OR4K17: variants seen among roughly 807,000 people sequenced by gnomAD.
OR4K17 encodes the protein olfactory receptor family 4 subfamily K member 17, also known as olfactory receptor 4K17.
For missense variants in OR4K17, 480 were observed against 366.3 expected (o/e 1.31, Z -2.53); for synonymous variants, 157 against 132.8 (o/e 1.18, Z -1.25).
At position 20,119,016 on chromosome 14, in the gene OR4K17, A is replaced by G. The variant is rs1419767136; in HGVS notation, c.*578A>G. On this transcript the variant is annotated 3_prime_UTR_variant, in exon 2 of 2. Coordinates refer to ENST00000641386, the MANE Select transcript of OR4K17 (RefSeq NM_001004715.5). ...CATCCCTTATCTACAGCCGTGTAAG[A>G]CAGACATTGCCAGAGCGGCCATTTT... 6.6e-6 allele frequency: 1 copy of G among 152,266 alleles called. No homozygotes were observed. Among genetic ancestry groups the G allele is most frequent in the African/African-American group, 2.4e-5 (1 of 41,460 alleles). The allele number at this position is 152,266 out of a possible 1,614,324, so 9.4% of individuals were successfully genotyped here.
rs1313899260 is a variant in OR4K17, at chr14:20,120,642, C to G, written c.*2204C>G. 4 of 152,284 alleles carry G rather than the reference C, an allele frequency of 2.6e-5. No homozygotes were observed. The highest frequency in any genetic ancestry group is 5.9e-5 in the Non-Finnish European group (4 of 68,120). 9.4% of individuals were successfully genotyped at this position (152,284 alleles called of 1,614,324 possible). On this transcript the variant is annotated 3_prime_UTR_variant, in exon 2 of 2. Coordinates refer to ENST00000641386, the MANE Select transcript of OR4K17 (RefSeq NM_001004715.5). ...TCAAAAGCACCTGCACCTTGCATAC[C>G]ATTATAGTTTGGGCAGTGGAATTCC... is the stretch of plus-strand genomic sequence containing the variant.
Position 20,120,026 on chromosome 14 carries a change from C to T in OR4K17, c.*1588C>T, listed in dbSNP as rs2139059519. The T allele has an allele frequency of 6.6e-6, 1 of 152,230 alleles. No individual in the cohort carries two copies. Among genetic ancestry groups the T allele is most frequent in the Non-Finnish European group, 1.5e-5 (1 of 68,014 alleles). The allele number at this position is 152,230 out of a possible 1,614,324, so 9.4% of individuals were successfully genotyped here. On this transcript the variant is annotated 3_prime_UTR_variant, in exon 2 of 2. Coordinates refer to ENST00000641386, the MANE Select transcript of OR4K17 (RefSeq NM_001004715.5). ...AAATTATTGATTTTTAAAATGTTGA[C>T]TGAGTTATAAAAGGTGTCAGAGACT... is the stretch of plus-strand genomic sequence containing the variant.
intron 1 of OR4K17, among the ~76,000 whole-genome samples, chr14:20,113,889 T>C (rs1411928701): frequency 1.3e-5 from 2 of 152,110 alleles, no homozygotes; most frequent in South Asian, 2.1e-4. Flanking sequence ...TAGAGAATTT[T>C]CTCTATTTTC....
chr14:20,112,476 C>T (rs1351912167), intron 1 of OR4K17, among the ~76,000 whole-genome samples: 1 of 152,060 alleles, frequency 6.6e-6, no homozygotes, highest in East Asian at 1.9e-4. Context: ...GTGTTCCATC[C>T]CTGTTACTAA....
At chr14:20,111,822 C>G (rs1206866661) in intron 1 of OR4K17, 1 of 152,026 alleles carries the variant, frequency 6.6e-6, no homozygotes, top group Non-Finnish European at 1.5e-5. Flanking sequence ...TAGAAGATTA[C>G]TAGGATTCAG....
chr14:20,120,204 T>G lies in OR4K17; in HGVS notation c.*1766T>G, dbSNP rs556106130. On this transcript the variant is annotated 3_prime_UTR_variant, in exon 2 of 2. Coordinates refer to ENST00000641386, the MANE Select transcript of OR4K17 (RefSeq NM_001004715.5). ...TGATTTGGCACTCACTGTGAGATCA[T>G]GTTTGGTTCTCTGTCTTCTTTACAA... is the stretch of plus-strand genomic sequence containing the variant. 4.0e-4 allele frequency: 61 copies of G among 152,320 alleles called. 1 individual carries two copies. The highest frequency in any genetic ancestry group is 1.4e-3 in the African/African-American group (58 of 41,574). 9.4% of individuals were successfully genotyped at this position (152,320 alleles called of 1,614,324 possible).
chr14:20,111,901 T>C (rs749787565), intron 1 of OR4K17: 3 of 152,048 alleles, frequency 2.0e-5, no homozygotes, highest in Non-Finnish European at 4.4e-5. Flanking sequence ...TTGTGTGTGA[T>C]TTGCTCAGCA....
chr14:20,121,641 A>C lies in OR4K17; in HGVS notation c.*3203A>C, dbSNP rs1477456417. ...ATAGAGCATTTACAAAAACAAAAAA[A>C]ATAAAAAATCAAAGCATATGCTGGA... is the stretch of plus-strand genomic sequence containing the variant. On this transcript the variant is annotated 3_prime_UTR_variant, in exon 2 of 2. Transcript: ENST00000641386. 1.3e-5 allele frequency: 2 copies of C among 152,072 alleles called. No homozygotes were observed. The highest frequency in any genetic ancestry group is 4.8e-5 in the African/African-American group (2 of 41,446). 9.4% of individuals were successfully genotyped at this position (152,072 alleles called of 1,614,324 possible).
chr14:20,116,244 G>A (rs1238459007), intron 1 of OR4K17, among the ~76,000 whole-genome samples: 4 of 152,086 alleles, frequency 2.6e-5, no homozygotes, highest in Admixed American at 6.6e-5. Context: ...CAGAAGCACA[G>A]AATACATGAC....
At chr14:20,114,666 T>C (rs1877949323) in intron 1 of OR4K17, among the ~76,000 whole-genome samples, 1 of 152,050 alleles carries the variant, frequency 6.6e-6, no homozygotes, top group Non-Finnish European at 1.5e-5. Flanking sequence ...CCTCAATTTC[T>C]TGATTTCACA....
In OR4K17 at chr14:20,118,496, T is replaced by A; in HGVS notation, c.*58T>A. ...TGGCTGATGCCTGTAATCCCCACAC[T>A]TTGGGAGGAATATCAGGGGAACCAG... On this transcript the variant is annotated 3_prime_UTR_variant, in exon 2 of 2. Transcript: ENST00000641386. 1 of 960,926 alleles carries A rather than the reference T, an allele frequency of 1.0e-6. No homozygotes were observed. Among genetic ancestry groups the A allele is most frequent in the Non-Finnish European group, 1.6e-6 (1 of 643,942 alleles). The allele number at this position is 960,926 out of a possible 1,614,324, so 59.5% of individuals were successfully genotyped here.
Position 20,118,327 on chromosome 14 carries a change from C to A in OR4K17, c.828C>A (p.Thr276=). The change falls in exon 2 of 2, where the codon ACC becomes ACA. Residue 276 remains threonine, a synonymous_variant. Transcript: ENST00000641386. ...SVDKFLAVFY[T]IITPILNPII... is the part of the protein sequence containing the mutation. ...ATAAGTTCCTTGCTGTGTTTTATAC[C>A]ATCATCACTCCTATCTTGAATCCAA... 6.2e-7 allele frequency: 1 copy of A among 1,612,152 alleles called. No homozygotes were observed. Among genetic ancestry groups the A allele is most frequent in the Non-Finnish European group, 8.5e-7 (1 of 1,178,316 alleles).
At chr14:20,113,187 C>G (rs1161183119) in intron 1 of OR4K17, among the ~76,000 whole-genome samples, 1 of 152,002 alleles carries the variant, frequency 6.6e-6, no homozygotes, top group Non-Finnish European at 1.5e-5. Context: ...GGGCAGCAGA[C>G]AGTTCTACTC....
chr14:20,117,234 G>C (rs10220676), intron 1 of OR4K17, among the ~76,000 whole-genome samples: 2,420 of 152,204 alleles, frequency 0.016, 59 homozygotes, highest in African/African-American at 0.049. Flanking sequence ...ATATGCTCCA[G>C]AGCTTGTGGT....
At chr14:20,112,440 A>G (rs1350022097) in intron 1 of OR4K17, among the ~76,000 whole-genome samples, 1 of 152,090 alleles carries the variant, frequency 6.6e-6, no homozygotes, top group Non-Finnish European at 1.5e-5. Context: ...GACACATTCA[A>G]AAGGCAGGTA....
Position 20,118,007 on chromosome 14 carries a change from G to A in OR4K17, c.508G>A (p.Gly170Ser). The A allele has an allele frequency of 6.2e-7, 1 of 1,614,112 alleles. No individual in the cohort carries two copies. Among genetic ancestry groups the A allele is most frequent in the Non-Finnish European group, 8.5e-7 (1 of 1,180,016 alleles). ...ATTTGCTGTGAACTTGCCCTTTTGT[G>A]GTCCCAATGTGGTAGACAGCATTTT... ...IPFAVNLPFC[G>S]PNVVDSIFCD... Residue 170 changes from glycine (G) to serine (S), a missense_variant, in exon 2 of 2, where the codon GGT becomes AGT. Transcript: ENST00000641386.
intron 1 of OR4K17, among the ~76,000 whole-genome samples, chr14:20,116,725 C>A (rs535428984): frequency 6.6e-6 from 1 of 152,202 alleles, no homozygotes; most frequent in Admixed American, 6.5e-5. Context: ...GCCACATAGC[C>A]CCAGAGTATT....
In OR4K17 at chr14:20,114,551, C is replaced by T. The variant is rs17308171; in HGVS notation, c.-32-2917C>T. ...AATATAAAACGTATTTAAATCTTCGCCATTCCAGGAAGATCAGTCTTAATT... is the reference window on the plus strand; with the variant it reads ...AATATAAAACGTATTTAAATCTTCGTCATTCCAGGAAGATCAGTCTTAATT... On this transcript the variant is annotated intron_variant, in intron 1 of 1. Transcript: ENST00000641386. Among the ~76,000 whole-genome samples, 1,110 of 152,080 alleles carry T rather than the reference C, an allele frequency of 7.3e-3. 39 individuals carry two copies. Among genetic ancestry groups the T allele is most frequent in the Admixed American group, 0.049 (752 of 15,238 alleles).
rs1178062384 is a variant in OR4K17 at position 20,118,381 on chromosome 14, G to A, written c.882G>A (p.Met294Ile). 1 of 1,608,346 alleles carries A rather than the reference G, an allele frequency of 6.2e-7. No individual in the cohort carries two copies. Among genetic ancestry groups the A allele is most frequent in the African/African-American group, 1.3e-5 (1 of 74,578 alleles). The change falls in exon 2 of 2, where the codon ATG becomes ATA. Residue 294 changes from methionine (M) to isoleucine (I), a missense_variant. Physicochemically the swap from Met to Ile is conservative, Grantham distance 10 (BLOSUM62 1). Transcript: ENST00000641386. ...TCTATACTCTGAGAAACAAAGAAAT[G>A]AAGATATCCATGAAAAAACTCTGGA... is the stretch of plus-strand genomic sequence containing the variant. ...PIIYTLRNKE[M>I]KISMKKLWRA...
Sources: gnomAD v4.1 joint callset for allele counts (sites outside exome capture counted in the v4.1 genomes callset) on GRCh38, gnomAD v4.1.1 for gene constraint, MANE v1.5 for transcripts, NCBI Gene and HGNC (gene_info 2026-07-23, HGNC 2026-07-21) for gene names.